Variants in SLC39A11 observed in about 807,000 individuals in gnomAD.
SLC39A11 encodes the protein solute carrier family 39 member 11, also known as zinc transporter ZIP11.
SLC39A11 carries 33 observed loss-of-function variants against 36.1 expected under a neutral mutation model. The ratio of observed to expected loss-of-function variants is 0.91; its 90% CI spans 0.69 to 1.22. SLC39A11 has a LOEUF of 1.22. Ranked by LOEUF, SLC39A11 falls within the 50% of genes most tolerant of loss-of-function variation. The probability of loss-of-function intolerance (pLI) is 0.00; values close to 1 mark genes in which losing one functional copy is unlikely to be tolerated. For synonymous variants in SLC39A11, 166 were observed against 170.3 expected (o/e 0.97, Z 0.20); for missense variants, 432 against 430.3 (o/e 1.00, Z -0.03).
At chr17:72,675,003 T>A (rs935337242) in intron 7 of SLC39A11, among the ~76,000 whole-genome samples, 1 of 151,496 alleles carries the variant, frequency 6.6e-6, no homozygotes, top group Non-Finnish European at 1.5e-5. Context: ...TGTGTGTGTG[T>A]GAGACACAGA....
intron 3 of SLC39A11, among the ~76,000 whole-genome samples, chr17:73,035,506 A>C (rs1440533085): frequency 6.6e-6 from 1 of 152,196 alleles, no homozygotes; most frequent in Non-Finnish European, 1.5e-5. Flanking sequence ...AAACCTGTGA[A>C]TATTTCACCT....
chr17:72,829,648 G>C (rs754333622), intron 6 of SLC39A11, among the ~76,000 whole-genome samples: 1 of 152,130 alleles, frequency 6.6e-6, no homozygotes, highest in Non-Finnish European at 1.5e-5. Flanking sequence ...CTGGGATTCC[G>C]GACAGATCCG....
intron 5 of SLC39A11, among the ~76,000 whole-genome samples, chr17:72,900,145 AAAG>A (rs1190684790): frequency 4.0e-5 from 1 of 25,068 alleles, no homozygotes; most frequent in African/African-American, 1.2e-3. Flanking sequence ...AAAGAAAAAG[AAAG>A]AAAGAAAAGA....
chr17:72,722,214 C>G (rs1289708839), intron 7 of SLC39A11, among the ~76,000 whole-genome samples: 1 of 152,130 alleles, frequency 6.6e-6, no homozygotes, highest in Non-Finnish European at 1.5e-5. Flanking sequence ...ACTTCCTTCT[C>G]TCAAAAAGAC....
intron 4 of SLC39A11, among the ~76,000 whole-genome samples, chr17:73,002,581 A>G (rs557416990): frequency 9.8e-5 from 15 of 152,340 alleles, no homozygotes; most frequent in African/African-American, 3.6e-4. Context: ...ATTTCCTTCA[A>G]TGGCACAGAG....
At chr17:72,996,295 T>A (rs1282182946) in intron 4 of SLC39A11, among the ~76,000 whole-genome samples, 3 of 152,248 alleles carry the variant, frequency 2.0e-5, no homozygotes, top group Non-Finnish European at 4.4e-5. Flanking sequence ...TTTACCTCTA[T>A]GTGCGTCCAC....
At chr17:73,081,731 A>ATG (rs1309053756) in intron 3 of SLC39A11, among the ~76,000 whole-genome samples, 55 of 126,468 alleles carry the variant, frequency 4.3e-4, no homozygotes, top group Admixed American at 6.6e-4. Flanking sequence ...GTATATATGT[A>ATG]TGTATATATA....
intron 3 of SLC39A11, among the ~76,000 whole-genome samples, chr17:73,047,991 AT>A (rs57131999): frequency 0.084 from 3,012 of 35,758 alleles, 366 homozygotes; most frequent in East Asian, 0.18. Context: ...AAAAAAAAAA[AT>A]ATATATATAT....
intron 4 of SLC39A11, among the ~76,000 whole-genome samples, chr17:72,967,936 A>G (rs1157981059): frequency 1.3e-5 from 2 of 152,118 alleles, no homozygotes; most frequent in African/African-American, 4.8e-5. Context: ...CGGTTGTTAC[A>G]ATTGTCTACA....
Position 73,055,405 on chromosome 17 carries a change from C to T in SLC39A11, c.148-23691G>A, listed in dbSNP as rs149153023. ...CAACCTGGCCTGGGACATAGACTAACTGAAAGCCTAGCTTAGGAGTACACT... is the reference window on the plus strand; with the variant it reads ...CAACCTGGCCTGGGACATAGACTAATTGAAAGCCTAGCTTAGGAGTACACT... On this transcript the variant is annotated intron_variant, in intron 3 of 9. Coordinates refer to ENST00000255559, the MANE Select transcript of SLC39A11 (RefSeq NM_139177.4). Among the ~76,000 whole-genome samples the T allele has an allele frequency of 1.8e-3, 270 of 152,046 alleles. 1 individual carries two copies. Among genetic ancestry groups the T allele is most frequent in the African/African-American group, 6.4e-3 (264 of 41,486 alleles).
intron 6 of SLC39A11, among the ~76,000 whole-genome samples, chr17:72,793,969 T>A (rs1350608244): frequency 6.6e-6 from 1 of 151,460 alleles, no homozygotes; most frequent in Non-Finnish European, 1.5e-5. Flanking sequence ...GAACAAAGAG[T>A]CTTCAGGTTG....
At chr17:73,059,947 C>T (rs1199667511) in intron 3 of SLC39A11, among the ~76,000 whole-genome samples, 1 of 151,824 alleles carries the variant, frequency 6.6e-6, no homozygotes, top group Non-Finnish European at 1.5e-5. Context: ...TGGTGACTCA[C>T]CCCTGTAATC....
In SLC39A11 at chr17:72,982,796, TAACATTTGATGAA is replaced by T. The variant is rs1461800427; in HGVS notation, c.307-34934_307-34922del. On this transcript the variant is annotated intron_variant, in intron 4 of 9. Coordinates refer to ENST00000255559, the MANE Select transcript of SLC39A11 (RefSeq NM_139177.4). The stretch of plus-strand genomic sequence containing the variant: ...AATCTGAACTTTCATTAAAATTACA[TAACATTTGATGAA>T]ATCAAATGATGGCAGCAAGTGCAGC... Among the ~76,000 whole-genome samples, 103 of 152,152 alleles carry T rather than the reference TAACATTTGATGAA, an allele frequency of 6.8e-4. 1 individual carries two copies. Among genetic ancestry groups the T allele is most frequent in the Admixed American group, 6.5e-3 (100 of 15,268 alleles).
chr17:72,885,989 A>G (rs2081420355), intron 5 of SLC39A11, among the ~76,000 whole-genome samples: 1 of 152,174 alleles, frequency 6.6e-6, no homozygotes, highest in Admixed American at 6.5e-5. Context: ...CAGCTTGCTC[A>G]TCCTTTCAGC....
At chr17:73,049,846 G>A (rs2059435197) in intron 3 of SLC39A11, among the ~76,000 whole-genome samples, 1 of 152,176 alleles carries the variant, frequency 6.6e-6, no homozygotes, top group Admixed American at 6.5e-5. Flanking sequence ...TGAGGTCCCA[G>A]GCACAGTGGC....
chr17:72,915,300 G>C (rs150136957), intron 5 of SLC39A11, among the ~76,000 whole-genome samples: 53 of 152,240 alleles, frequency 3.5e-4, no homozygotes, highest in Middle Eastern at 3.4e-3. Flanking sequence ...CCAGGTACCA[G>C]TCAACTAGGG....
rs1354797684 is a variant in SLC39A11, at chr17:73,070,221, C to G, written c.147+14587G>C. ...CCCGAGTTCCCAGCTGCAGGCTGAC[C>G]AGTATCCCATGACCGACTGGAAAAT... On this transcript the variant is annotated intron_variant, in intron 3 of 9. Transcript: ENST00000255559. 2.6e-5 allele frequency among the ~76,000 whole-genome samples: 4 copies of G among 152,328 alleles called. No individual in the cohort carries two copies. The South Asian group carries it at 8.3e-4, about 32-fold the overall frequency.
chr17:73,032,955 A>G (rs1235765712), intron 3 of SLC39A11, among the ~76,000 whole-genome samples: 1 of 152,238 alleles, frequency 6.6e-6, no homozygotes, highest in Non-Finnish European at 1.5e-5. Flanking sequence ...ATGGTCCTAC[A>G]GGCCAGCGGT....
chr17:72,829,006 T>C (rs2078152182), intron 6 of SLC39A11, among the ~76,000 whole-genome samples: 2 of 151,940 alleles, frequency 1.3e-5, no homozygotes, highest in East Asian at 3.9e-4. Flanking sequence ...AAAAGTTAGG[T>C]TTGGTAACAC....
Sources: gnomAD v4.1 joint callset for allele counts (sites outside exome capture counted in the v4.1 genomes callset) on GRCh38, gnomAD v4.1.1 for gene constraint, MANE v1.5 for transcripts, NCBI Gene and HGNC (gene_info 2026-07-23, HGNC 2026-07-21) for gene names.